Variants in TRAPPC9 observed in about 807,000 individuals in gnomAD.
TRAPPC9 encodes the protein IKK2 binding protein.
TRAPPC9 carries 83 observed loss-of-function variants against 124.0 expected under a neutral mutation model. The ratio of observed to expected loss-of-function variants is 0.67; its 90% CI spans 0.56 to 0.80. TRAPPC9 has a LOEUF of 0.80. Ranked by LOEUF, TRAPPC9 falls within the 30% of genes least tolerant of loss-of-function variation. The probability of loss-of-function intolerance (pLI) is 0.00; values close to 1 mark genes in which losing one functional copy is unlikely to be tolerated. For synonymous variants in TRAPPC9, 638 were observed against 617.5 expected (o/e 1.03, Z -0.49); for missense variants, 1,302 against 1,508.3 (o/e 0.86, Z 2.27).
intron 20 of TRAPPC9, 38 bp downstream of exon 20, chr8:139,910,109 G>T (rs79675886): frequency 1.2e-6 from 2 of 1,613,120 alleles, no homozygotes; most frequent in East Asian, 2.2e-5. Flanking sequence ...CCTGGGCAAA[G>T]GTGCCCCCAG....
intron 21 of TRAPPC9, among the ~76,000 whole-genome samples, chr8:139,769,734 A>G (rs900134259): frequency 6.6e-6 from 1 of 152,280 alleles, no homozygotes; most frequent in Admixed American, 6.5e-5. Context: ...TAGATCTCAT[A>G]GGTCAGAGAA....
chr8:139,930,395 G>A (rs375787630), intron 19 of TRAPPC9, among the ~76,000 whole-genome samples: 8 of 152,334 alleles, frequency 5.3e-5, no homozygotes, highest in Non-Finnish European at 1.0e-4. Context: ...AACTTCTCCC[G>A]TGGTGTCGGT....
chr8:140,058,057 T>C (rs542989224), intron 17 of TRAPPC9, among the ~76,000 whole-genome samples: 2 of 152,330 alleles, frequency 1.3e-5, no homozygotes, highest in East Asian at 1.9e-4. Flanking sequence ...TGCTCGCGAA[T>C]GTGACAGCTC....
chr8:140,003,601 C>CAAAAA (rs58826807), intron 18 of TRAPPC9, among the ~76,000 whole-genome samples: 11 of 91,380 alleles, frequency 1.2e-4, no homozygotes, highest in African/African-American at 3.5e-4. Context: ...GACCCTGTCA[C>CAAAAA]AAAAAAAAAA....
chr8:139,955,054 T>C (rs1057123110), intron 19 of TRAPPC9, among the ~76,000 whole-genome samples: 1 of 152,224 alleles, frequency 6.6e-6, no homozygotes, highest in African/African-American at 2.4e-5. Flanking sequence ...GTATTTAATT[T>C]TATGTTGATG....
chr8:139,896,175 G>A (rs550536173), intron 20 of TRAPPC9, among the ~76,000 whole-genome samples: 3 of 152,318 alleles, frequency 2.0e-5, no homozygotes, highest in East Asian at 3.9e-4. Flanking sequence ...CTCAGCCTGT[G>A]CACAAGAATG....
At chr8:139,942,287 A>C (rs935352975) in intron 19 of TRAPPC9, among the ~76,000 whole-genome samples, 1 of 152,230 alleles carries the variant, frequency 6.6e-6, no homozygotes, top group African/African-American at 2.4e-5. Context: ...GGGTCGGTTA[A>C]GGAATAGACA....
At chr8:140,347,985 C>T (rs958838005) in intron 9 of TRAPPC9, among the ~76,000 whole-genome samples, 6 of 152,220 alleles carry the variant, frequency 3.9e-5, no homozygotes, top group African/African-American at 1.4e-4. Flanking sequence ...ACCCCACCAC[C>T]AGGGACCAGG....
At chr8:140,331,756 C>G (rs1163853761) in intron 9 of TRAPPC9, among the ~76,000 whole-genome samples, 1 of 152,034 alleles carries the variant, frequency 6.6e-6, no homozygotes, top group Non-Finnish European at 1.5e-5. Flanking sequence ...CAGGGAAATG[C>G]AAATCAAAAC....
chr8:140,432,788 C>T (rs1004802763), intron 4 of TRAPPC9, among the ~76,000 whole-genome samples: 2 of 151,896 alleles, frequency 1.3e-5, no homozygotes, highest in Admixed American at 1.3e-4. Context: ...AGGAGAATGA[C>T]GTGAACCCGG....
intron 20 of TRAPPC9, among the ~76,000 whole-genome samples, chr8:139,895,962 C>G (rs940004629): frequency 2.0e-5 from 3 of 152,230 alleles, no homozygotes; most frequent in African/African-American, 7.2e-5. Context: ...AGTGATTAGT[C>G]TGGGGAGCAA....
At chr8:139,976,692 C>T (rs939186309) in intron 19 of TRAPPC9, among the ~76,000 whole-genome samples, 82 of 152,350 alleles carry the variant, frequency 5.4e-4, no homozygotes, top group African/African-American at 1.8e-3. Flanking sequence ...ATGAAAACCA[C>T]AGGGAGAAGC....
intron 14 of TRAPPC9, among the ~76,000 whole-genome samples, chr8:140,276,848 C>T (rs1189552702): frequency 6.6e-6 from 1 of 152,156 alleles, no homozygotes; most frequent in Admixed American, 6.5e-5. Flanking sequence ...CTGAAGGTTT[C>T]CTGAGTACCC....
Position 140,394,243 on chromosome 8 carries a change from A to AC in TRAPPC9, c.1134+3376_1134+3377insG, listed in dbSNP as rs1158627430. Reference sequence around the variant, plus strand: ...AGCCCTGCCCCCAGCTCCCAACCAAATTGTCTGCAATTCCACTGCTTCAGG... The same window carrying AC: ...AGCCCTGCCCCCAGCTCCCAACCAAACTTGTCTGCAATTCCACTGCTTCAGG... On this transcript the variant is annotated intron_variant, in intron 7 of 22. Transcript: ENST00000438773. 3.3e-5 allele frequency among the ~76,000 whole-genome samples: 5 copies of AC among 152,052 alleles called. 1 individual carries two copies. The highest frequency in any genetic ancestry group is 4.4e-5 in the Non-Finnish European group (3 of 68,020).
At chr8:139,966,071 T>C (rs1308612881) in intron 19 of TRAPPC9, among the ~76,000 whole-genome samples, 1 of 152,198 alleles carries the variant, frequency 6.6e-6, no homozygotes. Flanking sequence ...TTCTATGAAG[T>C]TGTGAAGAGT....
intron 19 of TRAPPC9, among the ~76,000 whole-genome samples, chr8:139,963,491 T>C (rs555323026): frequency 2.0e-5 from 3 of 152,218 alleles, no homozygotes; most frequent in South Asian, 2.1e-4. Context: ...CCTGTGGCCA[T>C]GTAGGAGCTT....
intron 7 of TRAPPC9, among the ~76,000 whole-genome samples, chr8:140,388,794 G>A (rs2068832610): frequency 6.8e-6 from 1 of 147,794 alleles, no homozygotes; most frequent in Non-Finnish European, 1.5e-5. Context: ...GTTGCAGTGA[G>A]CAGAGATGGC....
intron 19 of TRAPPC9, among the ~76,000 whole-genome samples, chr8:139,936,042 C>T (rs902687481): frequency 1.3e-5 from 2 of 152,234 alleles, no homozygotes; most frequent in Non-Finnish European, 1.5e-5. Flanking sequence ...CGAGCACAGG[C>T]CTGGAGTGGC....
At chr8:139,793,927 C>A (rs550416437) in intron 21 of TRAPPC9, among the ~76,000 whole-genome samples, 1 of 152,116 alleles carries the variant, frequency 6.6e-6, no homozygotes, top group African/African-American at 2.4e-5. Context: ...ATCATCCCTA[C>A]GACTTGAGCT....
Sources: allele counts gnomAD v4.1 joint callset (sites outside exome capture counted in the v4.1 genomes callset), GRCh38; gene constraint gnomAD v4.1.1; transcripts MANE v1.5; gene names NCBI Gene and HGNC (gene_info 2026-07-23, HGNC 2026-07-21).